Variants in EXOC3L2 observed in about 807,000 individuals in gnomAD.
The protein encoded by EXOC3L2 is exocyst complex component 3 like 2, also known as exocyst complex component 3-like protein 2.
A neutral mutation model predicts 44.4 loss-of-function variants in EXOC3L2; 17 were observed. The observed-to-expected ratio is 0.38, with a 90% CI of 0.26 to 0.57. EXOC3L2 has a LOEUF of 0.57. Ranked by LOEUF, EXOC3L2 falls within the 20% of genes least tolerant of loss-of-function variation. EXOC3L2 has a pLI of 0.65. For synonymous variants in EXOC3L2, 256 were observed against 253.7 expected, an observed-to-expected ratio of 1.01 and a Z score of -0.09; for missense variants, 541 against 588.4, an observed-to-expected ratio of 0.92 and a Z score of 0.83.
intron 7 of EXOC3L2, among the ~76,000 whole-genome samples, chr19:45,227,410 T>C (rs1349823988): frequency 6.6e-6 from 1 of 152,140 alleles, no homozygotes; most frequent in South Asian, 2.1e-4. Context: ...CATGAGCCAC[T>C]GTGCCCAGCC....
chr19:45,212,923 G>T lies in EXOC3L2; in HGVS notation c.*146C>A. On this transcript the variant is annotated 3_prime_UTR_variant, in exon 12 of 12. Coordinates refer to ENST00000413988, the MANE Select transcript of EXOC3L2 (RefSeq NM_001382422.1). Reference sequence around the variant, plus strand: ...CGTTTGTTTCCCTTCTGTACAGGGAGTTTGGGGTTGGGTGAAAAGACATCT... The same window carrying T: ...CGTTTGTTTCCCTTCTGTACAGGGATTTTGGGGTTGGGTGAAAAGACATCT... 1.1e-6 allele frequency: 1 copy of T among 923,116 alleles called. No individual in the cohort carries two copies. The highest frequency in any genetic ancestry group is 1.5e-6 in the Non-Finnish European group (1 of 661,292). The allele number at this position is 923,116 out of a possible 1,614,324, so 57.2% of individuals were successfully genotyped here.
At chr19:45,239,606 C>T (rs1380373280) in intron 1 of EXOC3L2, among the ~76,000 whole-genome samples, 1 of 151,072 alleles carries the variant, frequency 6.6e-6, no homozygotes, top group Non-Finnish European at 1.5e-5. Context: ...CTGCAACCTC[C>T]GCCTCCCAGG....
intron 1 of EXOC3L2, among the ~76,000 whole-genome samples, chr19:45,239,761 C>A (rs1970115764): frequency 6.6e-6 from 1 of 152,064 alleles, no homozygotes; most frequent in Non-Finnish European, 1.5e-5. Context: ...CTCAGGCGAT[C>A]CACCTACTTC....
At chr19:45,224,349 G>A (rs1969931550) in intron 8 of EXOC3L2, among the ~76,000 whole-genome samples, 3 of 152,042 alleles carry the variant, frequency 2.0e-5, no homozygotes, top group Admixed American at 2.0e-4. Flanking sequence ...TGTATAACAT[G>A]GGTTGAGCTT....
At chr19:45,215,199 G>C (rs960941056) in intron 11 of EXOC3L2, among the ~76,000 whole-genome samples, 5 of 151,806 alleles carry the variant, frequency 3.3e-5, no homozygotes, top group African/African-American at 1.2e-4. Context: ...GCATGGGCTG[G>C]GCAACGGTGG....
chr19:45,239,496 G>A (rs556638122), intron 1 of EXOC3L2, among the ~76,000 whole-genome samples: 119 of 150,522 alleles, frequency 7.9e-4, no homozygotes, highest in African/African-American at 2.8e-3. Context: ...GATTACAGGC[G>A]TGAGCCACCG....
At chr19:45,218,085 G>C (rs1969856208) in intron 9 of EXOC3L2, 112 bp downstream of exon 9, 2 of 1,362,832 alleles carry the variant, frequency 1.5e-6, no homozygotes, top group Non-Finnish European at 1.9e-6. Context: ...CCTCCAGCAG[G>C]AGCGTTCTTG....
At chr19:45,226,853 C>T (rs576299448) in intron 7 of EXOC3L2, among the ~76,000 whole-genome samples, 12 of 149,166 alleles carry the variant, frequency 8.0e-5, no homozygotes, top group South Asian at 2.1e-4. Context: ...CCCAGGTTCA[C>T]GCCATTCTCC....
At position 45,212,551 on chromosome 19, in the gene EXOC3L2, T is replaced by G. The variant is rs1459776781; in HGVS notation, c.*518A>C. 1 of 150,632 alleles carries G rather than the reference T, an allele frequency of 6.6e-6. No individual in the cohort carries two copies. The highest frequency in any genetic ancestry group is 1.5e-5 in the Non-Finnish European group (1 of 68,116). 9.3% of individuals were successfully genotyped at this position (150,632 alleles called of 1,614,324 possible). ...GGGGAGGTGCTGGGAACAGGCTTCA[T>G]GGCCTTGGGAAAATGCTTTGTCTCT... is the stretch of plus-strand genomic sequence containing the variant. On this transcript the variant is annotated 3_prime_UTR_variant, in exon 12 of 12. Coordinates refer to ENST00000413988, the MANE Select transcript of EXOC3L2 (RefSeq NM_001382422.1).
In EXOC3L2 at chr19:45,228,654, C is replaced by T. The variant is rs539156895; in HGVS notation, c.1270-388G>A. 9.9e-5 allele frequency among the ~76,000 whole-genome samples: 15 copies of T among 152,104 alleles called. 1 individual carries two copies. In the South Asian group the frequency reaches 2.7e-3, roughly 27 times the overall value. Reference sequence around the variant, plus strand: ...GGGCGTGGTGGTGCGTGTCTGTAATCCCAGCTACTCAGGAGGCAGAGGCAG... The same window carrying T: ...GGGCGTGGTGGTGCGTGTCTGTAATTCCAGCTACTCAGGAGGCAGAGGCAG... On this transcript the variant is annotated intron_variant, in intron 4 of 11. Coordinates refer to ENST00000413988, the MANE Select transcript of EXOC3L2 (RefSeq NM_001382422.1).
intron 4 of EXOC3L2, among the ~76,000 whole-genome samples, chr19:45,229,523 CATATTATAAATAAT>C (rs960581650): frequency 1.3e-4 from 19 of 147,164 alleles, no homozygotes; most frequent in Admixed American, 1.0e-3. Context: ...ATCAATAATA[CATATTATAAATAAT>C]ATATTATAAA....
chr19:45,215,987 A>C, intron 11 of EXOC3L2, 86 bp downstream of exon 11: 5 of 1,556,996 alleles, frequency 3.2e-6, no homozygotes, highest in Non-Finnish European at 4.4e-6. Flanking sequence ...CTCCCTCAGG[A>C]GGCAGGAAGC....
chr19:45,224,769 C>A lies in EXOC3L2; in HGVS notation c.1719+9G>T. On this transcript the variant is annotated intron_variant, in intron 8 of 11. Coordinates refer to ENST00000413988, the MANE Select transcript of EXOC3L2 (RefSeq NM_001382422.1). ...ATGGGCCCCAACCCTGGCCTCCCAC[C>A]TCACTCACCTGCAGCTCCTGGAACA... is the stretch of plus-strand genomic sequence containing the variant. 1 of 1,550,086 alleles carries A rather than the reference C, an allele frequency of 6.5e-7. No homozygotes were observed. The highest frequency in any genetic ancestry group is 2.0e-5 in the Admixed American group (1 of 50,924).
rs1027717911 is a variant in EXOC3L2, at chr19:45,212,528, G to C, written c.*541C>G. Reference sequence around the variant, plus strand: ...CACCACTCTGGGCTATGGCAGGAGGGGAGGTGCTGGGAACAGGCTTCATGG... The same window carrying C: ...CACCACTCTGGGCTATGGCAGGAGGCGAGGTGCTGGGAACAGGCTTCATGG... On this transcript the variant is annotated 3_prime_UTR_variant, in exon 12 of 12. Coordinates refer to ENST00000413988, the MANE Select transcript of EXOC3L2 (RefSeq NM_001382422.1). The C allele has an allele frequency of 5.9e-5, 9 of 152,312 alleles. No homozygotes were observed. The highest frequency in any genetic ancestry group is 1.9e-4 in the African/African-American group (8 of 41,416). 9.4% of individuals were successfully genotyped at this position (152,312 alleles called of 1,614,324 possible). A position where few individuals can be genotyped will look rare whatever the true frequency, so the allele number is the denominator to read the frequency against.
chr19:45,217,084 A>G (rs1969843466), intron 10 of EXOC3L2, among the ~76,000 whole-genome samples: 1 of 151,276 alleles, frequency 6.6e-6, no homozygotes, highest in Non-Finnish European at 1.5e-5. Flanking sequence ...GTGTGGTGGC[A>G]GGATCTCGGC....
intron 8 of EXOC3L2, among the ~76,000 whole-genome samples, chr19:45,219,260 T>C (rs527692116): frequency 6.6e-6 from 1 of 151,266 alleles, no homozygotes; most frequent in South Asian, 2.1e-4. Flanking sequence ...CTGGGTATGG[T>C]GTCATGTGCC....
Position 45,234,808 on chromosome 19 carries a change from A to G in EXOC3L2, c.542T>C (p.Leu181Pro). Residue 181 changes from leucine to proline, a missense_variant, in exon 3 of 12, where the codon CTG (leucine) becomes CCG (proline). Coordinates refer to ENST00000413988, the MANE Select transcript of EXOC3L2 (RefSeq NM_001382422.1). This position sits in a 1 kb window ranked among gnomAD's most constrained non-coding sequence, Gnocchi z 5.0. ...EPLSVLEILS[L>P]IQQRELARAD... ...ACGCGCTAGTTCGCGCTGCTGGATCAGGCTCAGGATCTCCAGCACTGCGGG... is the reference window on the plus strand; with the variant it reads ...ACGCGCTAGTTCGCGCTGCTGGATCGGGCTCAGGATCTCCAGCACTGCGGG... 2.5e-6 allele frequency: 1 copy of G among 394,254 alleles called. No individual in the cohort carries two copies. The highest frequency in any genetic ancestry group is 4.5e-6 in the Non-Finnish European group (1 of 223,162). 24.4% of individuals were successfully genotyped at this position (394,254 alleles called of 1,614,324 possible). A position where few individuals can be genotyped will look rare whatever the true frequency, so the allele number is the denominator to read the frequency against.
At chr19:45,224,599 G>A (rs913654663) in intron 8 of EXOC3L2, among the ~76,000 whole-genome samples, 179 bp downstream of exon 8, 21 of 152,102 alleles carry the variant, frequency 1.4e-4, no homozygotes, top group South Asian at 2.1e-4. Context: ...CTGTTATCCC[G>A]GTGGGTGCAC....
At chr19:45,242,965 A>G (rs1970142427) in intron 1 of EXOC3L2, among the ~76,000 whole-genome samples, 1 of 151,904 alleles carries the variant, frequency 6.6e-6, no homozygotes, top group Non-Finnish European at 1.5e-5. Context: ...TCCAGCATCC[A>G]GAATGAATGT....
Sources: allele counts gnomAD v4.1 joint callset (sites outside exome capture counted in the v4.1 genomes callset), GRCh38; gene constraint gnomAD v4.1.1; non-coding constraint Gnocchi (gnomAD v3.1); transcripts MANE v1.5; gene names NCBI Gene and HGNC (gene_info 2026-07-23, HGNC 2026-07-21).